Variants in FBXL7 observed in about 807,000 individuals in gnomAD.
The protein encoded by FBXL7 is F-box and leucine rich repeat protein 7.
A neutral mutation model predicts 38.3 loss-of-function variants in FBXL7; 12 were observed. The observed-to-expected ratio is 0.31, with a 90% CI of 0.20 to 0.51. The LOEUF (loss-of-function observed/expected upper bound fraction) is 0.51. Among genes scored for constraint, FBXL7 ranks in the 20% least tolerant of loss-of-function variants. FBXL7 has a pLI of 0.98. For missense variants in FBXL7, 567 were observed against 676.4 expected, an observed-to-expected ratio of 0.84 and a Z score of 1.79; for synonymous variants, 297 against 300.9, an observed-to-expected ratio of 0.99 and a Z score of 0.13.
At chr5:15,678,532 C>T (rs1345297934) in intron 2 of FBXL7, among the ~76,000 whole-genome samples, 1 of 152,170 alleles carries the variant, frequency 6.6e-6, no homozygotes, top group Non-Finnish European at 1.5e-5. Context: ...AAATCAAACT[C>T]TTTCTTTGAT....
At chr5:15,678,597 G>T (rs572651262) in intron 2 of FBXL7, among the ~76,000 whole-genome samples, 172 of 152,272 alleles carry the variant, frequency 1.1e-3, no homozygotes, top group Non-Finnish European at 1.9e-3. Flanking sequence ...ATCTTGAATT[G>T]TAGCTCCTAT....
intron 2 of FBXL7, among the ~76,000 whole-genome samples, chr5:15,827,899 C>T (rs2126770688): frequency 6.6e-6 from 1 of 152,286 alleles, no homozygotes; most frequent in African/African-American, 2.4e-5. Flanking sequence ...TGAATATTTT[C>T]CAGGCTACAA....
At chr5:15,546,247 T>C (rs971485366) in intron 1 of FBXL7, among the ~76,000 whole-genome samples, 1 of 151,622 alleles carries the variant, frequency 6.6e-6, no homozygotes, top group African/African-American at 2.4e-5. Context: ...CTGGCCAACA[T>C]GGTGAAACCC....
In FBXL7 at chr5:15,936,401, TC is replaced by T; in HGVS notation, c.740-45del. 1 of 1,577,052 alleles carries T rather than the reference TC, an allele frequency of 6.3e-7. No homozygotes were observed. On this transcript the variant is annotated intron_variant, in intron 3 of 3. Coordinates refer to ENST00000504595, the MANE Select transcript of FBXL7 (RefSeq NM_012304.5). The surrounding 1 kb of genome is among the most constrained non-coding windows in gnomAD (Gnocchi z 6.0). ...GCCCCAGGGCATCCCCAGGCGTGGCTCCCCTGCTGGCAGGTTGCTCTGAGCC... is the reference window on the plus strand; with the variant it reads ...GCCCCAGGGCATCCCCAGGCGTGGCTCCCTGCTGGCAGGTTGCTCTGAGCC...
chr5:15,714,815 C>G (rs898653994), intron 2 of FBXL7, among the ~76,000 whole-genome samples: 1 of 143,800 alleles, frequency 7.0e-6, no homozygotes, highest in South Asian at 2.2e-4. Context: ...TGCCACTGCA[C>G]TCCAGCCTGG....
intron 1 of FBXL7, among the ~76,000 whole-genome samples, chr5:15,502,765 G>A (rs1274929245): frequency 6.6e-6 from 1 of 152,200 alleles, no homozygotes. Context: ...GGTCAACTTT[G>A]TTATTCCATG....
At chr5:15,929,783 G>C (rs899603024) in intron 3 of FBXL7, among the ~76,000 whole-genome samples, 1 of 152,110 alleles carries the variant, frequency 6.6e-6, no homozygotes, top group Non-Finnish European at 1.5e-5. Flanking sequence ...CTCATTTGCT[G>C]CCTAGTCAAA....
chr5:15,712,681 A>T (rs537553897), intron 2 of FBXL7, among the ~76,000 whole-genome samples: 69 of 141,368 alleles, frequency 4.9e-4, no homozygotes, highest in East Asian at 2.9e-3. Context: ...AATAAAATTT[A>T]AAAAAAAAAG....
intron 1 of FBXL7, among the ~76,000 whole-genome samples, chr5:15,502,116 A>G (rs1333693964): frequency 3.3e-5 from 5 of 152,142 alleles, no homozygotes; most frequent in Admixed American, 6.5e-5. Flanking sequence ...GTTATTAAAA[A>G]GCTTTCAGGA....
chr5:15,641,743 G>A (rs1282031683), intron 2 of FBXL7, among the ~76,000 whole-genome samples: 1 of 152,138 alleles, frequency 6.6e-6, no homozygotes, highest in Non-Finnish European at 1.5e-5. Context: ...AATTCTTTCT[G>A]TCTGCCTGAC....
intron 2 of FBXL7, among the ~76,000 whole-genome samples, chr5:15,630,944 T>C (rs2126540636): frequency 6.6e-6 from 1 of 152,274 alleles, no homozygotes; most frequent in African/African-American, 2.4e-5. Flanking sequence ...CTGTGTTTTT[T>C]GTGAGGAGTA....
chr5:15,911,344 C>T (rs1254897263), intron 2 of FBXL7, among the ~76,000 whole-genome samples: 9 of 90,908 alleles, frequency 9.9e-5, no homozygotes, highest in Admixed American at 3.4e-4. Context: ...GCATTCTTCA[C>T]GTAGTTCTCG....
At position 15,937,210 on chromosome 5, in the gene FBXL7, G is replaced by C; in HGVS notation, c.*24G>C. 6.5e-7 allele frequency: 1 copy of C among 1,548,820 alleles called. No individual in the cohort carries two copies. Among genetic ancestry groups the C allele is most frequent in the East Asian group, 2.3e-5 (1 of 43,250 alleles). On this transcript the variant is annotated 3_prime_UTR_variant, in exon 4 of 4. Transcript: ENST00000504595. Reference sequence around the variant, plus strand: ...GAAGGGACAGAGTTCATCCGGCGTTGTATTCACACAAACCTGAACAAAGCA... The same window carrying C: ...GAAGGGACAGAGTTCATCCGGCGTTCTATTCACACAAACCTGAACAAAGCA...
chr5:15,628,814 C>G (rs1458091895), intron 2 of FBXL7, among the ~76,000 whole-genome samples: 1 of 152,054 alleles, frequency 6.6e-6, no homozygotes, highest in Non-Finnish European at 1.5e-5. Context: ...TTTACAACTT[C>G]TTCTGTGGAT....
chr5:15,810,656 T>C (rs1267874092), intron 2 of FBXL7, among the ~76,000 whole-genome samples: 1 of 152,224 alleles, frequency 6.6e-6, no homozygotes, highest in African/African-American at 2.4e-5. Flanking sequence ...CTTTATTTTA[T>C]CTGCCTTGGA....
intron 1 of FBXL7, chr5:15,501,866 A>ATG (rs70938014): frequency 0.039 from 8,688 of 224,808 alleles, 251 homozygotes; most frequent in Admixed American, 0.075. Flanking sequence ...GTGCATGTGT[A>ATG]TGTGTGTGTG....
chr5:15,793,308 T>C (rs191937787), intron 2 of FBXL7, among the ~76,000 whole-genome samples: 44 of 152,320 alleles, frequency 2.9e-4, no homozygotes, highest in Non-Finnish European at 5.7e-4. Context: ...TGTACTCCCT[T>C]GGAAGGGTCT....
intron 1 of FBXL7, among the ~76,000 whole-genome samples, chr5:15,544,266 G>T (rs1473591053): frequency 6.6e-6 from 1 of 152,148 alleles, no homozygotes; most frequent in Non-Finnish European, 1.5e-5. Flanking sequence ...CCTGGGCTAA[G>T]CCCCAATTCT....
At position 15,721,898 on chromosome 5, in the gene FBXL7, G is replaced by A. The variant is rs190103862; in HGVS notation, c.127+105826G>A. Among the ~76,000 whole-genome samples the A allele has an allele frequency of 5.9e-3, 894 of 152,110 alleles. 3 individuals carry two copies. The highest frequency in any genetic ancestry group is 0.017 in the Middle Eastern group (5 of 294). On this transcript the variant is annotated intron_variant, in intron 2 of 3. Transcript: ENST00000504595. ...CGCCCAGGCTAGAGTGCAGTGGCAC[G>A]ATCTCAGCTCACTGCAACCTCTGCC... is the stretch of plus-strand genomic sequence containing the variant.
Sources: allele counts gnomAD v4.1 joint callset (sites outside exome capture counted in the v4.1 genomes callset), GRCh38; gene constraint gnomAD v4.1.1; non-coding constraint Gnocchi (gnomAD v3.1); transcripts MANE v1.5; gene names NCBI Gene and HGNC (gene_info 2026-07-23, HGNC 2026-07-21).